SH3BP4: variants seen among roughly 807,000 people sequenced by gnomAD.
SH3BP4 encodes SH3 domain-binding protein 4.
In SH3BP4, 33 loss-of-function variants were observed where a neutral mutation model predicts 65.5. That is an observed-to-expected ratio of 0.50 (90% CI 0.38 to 0.67). The LOEUF (loss-of-function observed/expected upper bound fraction) is 0.67. Among genes scored for constraint, SH3BP4 ranks in the 30% least tolerant of loss-of-function variants. The pLI is 0.00. For missense variants in SH3BP4, 1,134 were observed against 1,261.4 expected (o/e 0.90, Z 1.53); for synonymous variants, 552 against 545.5 (o/e 1.01, Z -0.17).
At chr2:235,040,581 G>A (rs1695599675) in intron 3 of SH3BP4, among the ~76,000 whole-genome samples, 1 of 151,394 alleles carries the variant, frequency 6.6e-6, no homozygotes, top group Non-Finnish European at 1.5e-5. Flanking sequence ...AAAATGAGAT[G>A]TTTAGGGCGT....
At chr2:234,984,785 C>G (rs1308340525) in intron 1 of SH3BP4, among the ~76,000 whole-genome samples, 1 of 152,114 alleles carries the variant, frequency 6.6e-6, no homozygotes, top group African/African-American at 2.4e-5. Flanking sequence ...CCCCTGAAAG[C>G]AGAGCCTGAG....
At chr2:235,032,811 T>G (rs1204637401) in intron 2 of SH3BP4, among the ~76,000 whole-genome samples, 16 of 151,920 alleles carry the variant, frequency 1.1e-4, no homozygotes. Context: ...GCACCGTCAC[T>G]GCCAGCCAGG....
rs995174861 is a variant in SH3BP4 at position 235,035,985 on chromosome 2, G to A, written c.118+865G>A. Reference sequence around the variant, plus strand: ...TGCCTGGAGCACAGCTGAAAAGTAGGAACTTGACTTTGACCATTTGTATCC... The same window carrying A: ...TGCCTGGAGCACAGCTGAAAAGTAGAAACTTGACTTTGACCATTTGTATCC... On this transcript the variant is annotated intron_variant, in intron 3 of 5. Coordinates refer to ENST00000392011, the MANE Select transcript of SH3BP4 (RefSeq NM_014521.3). The surrounding 1 kb of genome is among the most constrained non-coding windows in gnomAD (Gnocchi z 5.0). 3.9e-5 allele frequency among the ~76,000 whole-genome samples: 6 copies of A among 152,196 alleles called. No homozygotes were observed. The South Asian group carries it at 1.2e-3, about 32-fold the overall frequency.
chr2:234,975,665 C>T (rs960019318), intron 1 of SH3BP4, among the ~76,000 whole-genome samples: 1 of 152,110 alleles, frequency 6.6e-6, no homozygotes, highest in African/African-American at 2.4e-5. Flanking sequence ...TCCTTGAGTC[C>T]AGGAGTTCAA....
At chr2:235,040,235 A>ATAAG (rs1695589324) in intron 3 of SH3BP4, among the ~76,000 whole-genome samples, 1 of 113,470 alleles carries the variant, frequency 8.8e-6, no homozygotes, top group South Asian at 4.2e-4. Flanking sequence ...ACACTGTCTC[A>ATAAG]TAAATAAATA....
At chr2:234,992,333 G>A (rs562119288) in intron 1 of SH3BP4, among the ~76,000 whole-genome samples, 13 of 152,296 alleles carry the variant, frequency 8.5e-5, no homozygotes, top group African/African-American at 3.1e-4. Flanking sequence ...CGTTTTCTTC[G>A]GGGTGGCTGG....
chr2:235,024,801 GA>G (rs1206651561), intron 2 of SH3BP4, among the ~76,000 whole-genome samples: 1 of 152,076 alleles, frequency 6.6e-6, no homozygotes, highest in African/African-American at 2.4e-5. Context: ...AATAACAGTT[GA>G]TTTTTTTTTA....
intron 2 of SH3BP4, among the ~76,000 whole-genome samples, chr2:234,996,956 G>A (rs1172572763): frequency 1.4e-5 from 2 of 147,740 alleles, no homozygotes; most frequent in Non-Finnish European, 3.0e-5. Context: ...CCCTGTGCCA[G>A]AGTTACTGGG....
chr2:234,956,012 G>C (rs1692578905), intron 1 of SH3BP4, among the ~76,000 whole-genome samples: 1 of 152,172 alleles, frequency 6.6e-6, no homozygotes, highest in Non-Finnish European at 1.5e-5. Flanking sequence ...TCACACATTG[G>C]AGCCTGAAGA....
At position 235,046,172 on chromosome 2, in the gene SH3BP4, C is replaced by G. The variant is rs1695852505; in HGVS notation, c.2478+2925C>G. On this transcript the variant is annotated intron_variant, in intron 4 of 5. Coordinates refer to ENST00000392011, the MANE Select transcript of SH3BP4 (RefSeq NM_014521.3). The surrounding 1 kb of genome is among the most constrained non-coding windows in gnomAD (Gnocchi z 4.2). ...AGCTCCCTTTCCCAGACCTCCTCAT[C>G]TCCCTCAGCTGCCAGCTCAAATGCC... is the stretch of plus-strand genomic sequence containing the variant. 6.6e-6 allele frequency among the ~76,000 whole-genome samples: 1 copy of G among 152,176 alleles called. No individual in the cohort carries two copies. Among genetic ancestry groups the G allele is most frequent in the South Asian group, 2.1e-4 (1 of 4,828 alleles).
At chr2:235,029,890 G>A (rs894723083) in intron 2 of SH3BP4, among the ~76,000 whole-genome samples, 19 of 152,164 alleles carry the variant, frequency 1.2e-4, no homozygotes, top group Admixed American at 3.9e-4. Context: ...GGGAATCAGC[G>A]GAGCTAAGAG....
chr2:234,972,120 T>TTTTTTTG (rs1553560737), intron 1 of SH3BP4, among the ~76,000 whole-genome samples: 136 of 147,316 alleles, frequency 9.2e-4, no homozygotes, highest in African/African-American at 3.5e-3. Context: ...CGGCCTTTTT[T>TTTTTTTG]TTTTTTGTTT....
Position 235,034,824 on chromosome 2 carries a change from A to C in SH3BP4, c.-132-47A>C. 1.7e-6 allele frequency: 1 copy of C among 590,774 alleles called. No homozygotes were observed. Among genetic ancestry groups the C allele is most frequent in the South Asian group, 2.0e-5 (1 of 49,316 alleles). 36.6% of individuals were successfully genotyped at this position (590,774 alleles called of 1,614,324 possible). On this transcript the variant is annotated intron_variant, in intron 2 of 5. Transcript: ENST00000392011. This position sits in a 1 kb window ranked among gnomAD's most constrained non-coding sequence, Gnocchi z 6.2. The stretch of plus-strand genomic sequence containing the variant: ...TTCCCATAAAATTACCATTGAACCC[A>C]TGTTTCGCTTGCTTAAGGGACTTTT...
intron 2 of SH3BP4, among the ~76,000 whole-genome samples, chr2:235,022,694 C>G (rs536771408): frequency 6.6e-6 from 1 of 152,108 alleles, no homozygotes; most frequent in Non-Finnish European, 1.5e-5. Context: ...GGACACCCGC[C>G]GCTGTTGAGA....
chr2:235,023,007 G>A (rs1268801044), intron 2 of SH3BP4, among the ~76,000 whole-genome samples: 1 of 152,138 alleles, frequency 6.6e-6, no homozygotes, highest in East Asian at 1.9e-4. Flanking sequence ...GGAGTAATAA[G>A]GCCAGGAGAA....
At chr2:235,008,059 G>A (rs1694355814) in intron 2 of SH3BP4, among the ~76,000 whole-genome samples, 1 of 152,202 alleles carries the variant, frequency 6.6e-6, no homozygotes, top group Non-Finnish European at 1.5e-5. Flanking sequence ...AGGTTTCAGA[G>A]CTGTCAGGAA....
rs182589882 is a variant in SH3BP4, at chr2:234,993,397, C to T, written c.-206-1906C>T. Among the ~76,000 whole-genome samples, 299 of 152,282 alleles carry T rather than the reference C, an allele frequency of 2.0e-3. 3 individuals are homozygous for T. The highest frequency in any genetic ancestry group is 6.7e-3 in the African/African-American group (279 of 41,552). On this transcript the variant is annotated intron_variant, in intron 1 of 5. Coordinates refer to ENST00000392011, the MANE Select transcript of SH3BP4 (RefSeq NM_014521.3). ...GCCTGATGAAGGGGCCCAGCAGTGC[C>T]GGTGCCTGCCTAGAATTCAGGATGG... is the stretch of plus-strand genomic sequence containing the variant.
chr2:235,024,067 A>C (rs991651255), intron 2 of SH3BP4, among the ~76,000 whole-genome samples: 4 of 152,218 alleles, frequency 2.6e-5, no homozygotes, highest in Admixed American at 2.0e-4. Flanking sequence ...TTTGCTCTAG[A>C]TATCTCGATT....
intron 2 of SH3BP4, among the ~76,000 whole-genome samples, chr2:235,015,188 C>T (rs1008370193): frequency 6.6e-6 from 1 of 152,180 alleles, no homozygotes; most frequent in Non-Finnish European, 1.5e-5. Flanking sequence ...ACCTGTTAAC[C>T]CAATCTGGTG....
Sources: gnomAD v4.1 joint callset for allele counts (sites outside exome capture counted in the v4.1 genomes callset) on GRCh38, gnomAD v4.1.1 for gene constraint, Gnocchi (gnomAD v3.1) non-coding constraint, MANE v1.5 for transcripts, NCBI Gene and HGNC (gene_info 2026-07-23, HGNC 2026-07-21) for gene names.